The following GALNT7 variants were observed in gnomAD, a reference collection of about 807,000 sequenced individuals.
The protein encoded by GALNT7 is polypeptide N-acetylgalactosaminyltransferase 7.
In GALNT7, 60 loss-of-function variants were observed where a neutral mutation model predicts 82.1. That is an observed-to-expected ratio of 0.73 (90% CI 0.59 to 0.91). The LOEUF is 0.91. Among genes scored for constraint, GALNT7 ranks in the 40% least tolerant of loss-of-function variants. The probability of loss-of-function intolerance (pLI) is 0.00; values close to 1 mark genes in which losing one functional copy is unlikely to be tolerated. For missense variants in GALNT7, 660 were observed against 804.2 expected, an observed-to-expected ratio of 0.82 and a Z score of 2.17; for synonymous variants, 243 against 275.1, an observed-to-expected ratio of 0.88 and a Z score of 1.15.
At chr4:173,263,497 A>G (rs1462520519) in intron 2 of GALNT7, among the ~76,000 whole-genome samples, 1 of 152,192 alleles carries the variant, frequency 6.6e-6, no homozygotes, top group African/African-American at 2.4e-5. Flanking sequence ...GCACAAACAT[A>G]GATGGCCGGA....
intron 1 of GALNT7, among the ~76,000 whole-genome samples, chr4:173,193,369 G>A (rs1732683255): frequency 6.6e-6 from 1 of 152,028 alleles, no homozygotes; most frequent in Non-Finnish European, 1.5e-5. Context: ...TTACTATTAT[G>A]GAAAATTCAC....
At chr4:173,232,849 TTCTA>T (rs1734075053) in intron 1 of GALNT7, among the ~76,000 whole-genome samples, 2 of 152,208 alleles carry the variant, frequency 1.3e-5, no homozygotes, top group Admixed American at 6.5e-5. Flanking sequence ...AACTTATTCC[TTCTA>T]TCTAAGTGTA....
At chr4:173,285,710 C>A (rs1308669758) in intron 2 of GALNT7, among the ~76,000 whole-genome samples, 2 of 152,150 alleles carry the variant, frequency 1.3e-5, no homozygotes, top group African/African-American at 2.4e-5. Context: ...TATGACTACA[C>A]AGACAGACAG....
At position 173,289,394 on chromosome 4, in the gene GALNT7, G is replaced by A. The variant is rs187864458; in HGVS notation, c.588-2714G>A. On this transcript the variant is annotated intron_variant, in intron 2 of 11. Coordinates refer to ENST00000265000, the MANE Select transcript of GALNT7 (RefSeq NM_017423.3). ...AAATTGAGCATGGACACAAGGGTGG[G>A]GGTGGAGCAAAAGTTTAATAAGAGA... Among the ~76,000 whole-genome samples the A allele has an allele frequency of 5.3e-4, 80 of 152,328 alleles. 1 individual carries two copies. The highest frequency in any genetic ancestry group is 1.5e-3 in the African/African-American group (62 of 41,582).
rs1416939400 is a variant in GALNT7, at chr4:173,249,331, ACACT to A, written c.587+895_587+898del. 2.0e-5 allele frequency among the ~76,000 whole-genome samples: 3 copies of A among 152,216 alleles called. No individual in the cohort carries two copies. The East Asian group carries it at 5.8e-4, about 29-fold the overall frequency. ...CATACACGTATGCATGTACACACAC[ACACT>A]CACACCTATTCACCAGCATTCTTTA... On this transcript the variant is annotated intron_variant, in intron 2 of 11. Transcript: ENST00000265000.
intron 2 of GALNT7, among the ~76,000 whole-genome samples, chr4:173,265,866 T>G (rs1384995110): frequency 6.6e-6 from 1 of 152,064 alleles, no homozygotes; most frequent in Non-Finnish European, 1.5e-5. Flanking sequence ...GGGAGCCCAG[T>G]GCATAAGATT....
chr4:173,270,673 A>G (rs1346253627), intron 2 of GALNT7, among the ~76,000 whole-genome samples: 1 of 152,222 alleles, frequency 6.6e-6, no homozygotes, highest in Non-Finnish European at 1.5e-5. Flanking sequence ...TTTACTCAGT[A>G]ATATTTGGAA....
rs757081793 is a variant in GALNT7 at position 173,247,965 on chromosome 4, C to G, written c.127-15C>G. On this transcript the variant is annotated splice_polypyrimidine_tract_variant and intron_variant, in intron 1 of 11. Transcript: ENST00000265000. ...CCTTCATGTACTCATTGTATATCCC[C>G]TCCCTTTTGTATAGGAAGACAGAGA... 2 of 1,563,352 alleles carry G rather than the reference C, an allele frequency of 1.3e-6. No individual in the cohort carries two copies. Among genetic ancestry groups the G allele is most frequent in the Non-Finnish European group, 1.8e-6 (2 of 1,139,084 alleles).
chr4:173,295,629 C>A, intron 4 of GALNT7, 103 bp downstream of exon 4: 1 of 1,232,602 alleles, frequency 8.1e-7, no homozygotes, highest in South Asian at 1.3e-5. Context: ...AATGAGAATG[C>A]TGGCTTAAAC....
chr4:173,235,286 T>C (rs531215035), intron 1 of GALNT7, among the ~76,000 whole-genome samples: 1 of 152,296 alleles, frequency 6.6e-6, no homozygotes, highest in East Asian at 1.9e-4. Context: ...TCAGATGAAG[T>C]CCAGATGCAT....
In GALNT7 at chr4:173,209,971, A is replaced by G. The variant is rs551783397; in HGVS notation, c.127-38009A>G. 5.3e-5 allele frequency among the ~76,000 whole-genome samples: 8 copies of G among 152,142 alleles called. No homozygotes were observed. The East Asian group carries it at 1.4e-3, about 26-fold the overall frequency. On this transcript the variant is annotated intron_variant, in intron 1 of 11. Transcript: ENST00000265000. ...AACATGGTGAAACCCCGTCTCTACT[A>G]AAAATACAAAAATTAGCTGGGGGTA...
intron 2 of GALNT7, among the ~76,000 whole-genome samples, chr4:173,262,316 CT>C (rs1735304928): frequency 6.6e-6 from 1 of 152,170 alleles, no homozygotes; most frequent in South Asian, 2.1e-4. Flanking sequence ...TGTTTCTAGT[CT>C]GTCTTGCACT....
At chr4:173,295,692 A>G in intron 4 of GALNT7, 72 bp from the exon 5 acceptor site, 1 of 1,156,736 alleles carries the variant, frequency 8.6e-7, no homozygotes, top group South Asian at 1.3e-5. Flanking sequence ...TTAGCATCTA[A>G]TTTTAAATTG....
rs1735148798 is a variant in GALNT7 at position 173,258,947 on chromosome 4, A to G, written c.587+10507A>G. Among the ~76,000 whole-genome samples the G allele has an allele frequency of 2.0e-5, 3 of 152,186 alleles. No homozygotes were observed. The South Asian group carries it at 6.2e-4, about 32-fold the overall frequency. On this transcript the variant is annotated intron_variant, in intron 2 of 11. Coordinates refer to ENST00000265000, the MANE Select transcript of GALNT7 (RefSeq NM_017423.3). ...GGGTTTCACAATCTCGGCACTTGACATTTGGGCCAGATAATTCTTTGTTGA... is the reference window on the plus strand; with the variant it reads ...GGGTTTCACAATCTCGGCACTTGACGTTTGGGCCAGATAATTCTTTGTTGA...
chr4:173,321,006 AAGGC>A (rs2126879994), intron 11 of GALNT7, among the ~76,000 whole-genome samples: 1 of 152,304 alleles, frequency 6.6e-6, no homozygotes, highest in Non-Finnish European at 1.5e-5. Flanking sequence ...CTAAAGTGAA[AAGGC>A]AATGGTGTCT....
At chr4:173,280,272 G>A (rs1043783656) in intron 2 of GALNT7, among the ~76,000 whole-genome samples, 11 of 152,166 alleles carry the variant, frequency 7.2e-5, no homozygotes, top group African/African-American at 2.7e-4. Flanking sequence ...GCCTCAAAAT[G>A]TTACGTTTTT....
intron 1 of GALNT7, among the ~76,000 whole-genome samples, chr4:173,181,514 A>G (rs1449520660): frequency 6.6e-6 from 1 of 152,256 alleles, no homozygotes; most frequent in Admixed American, 6.5e-5. Context: ...GGTATTTTAA[A>G]GAAATACATT....
chr4:173,299,561 C>T (rs1736841808), intron 6 of GALNT7, among the ~76,000 whole-genome samples: 1 of 152,040 alleles, frequency 6.6e-6, no homozygotes. Context: ...AAAATAAACC[C>T]AGCTGCCGGG....
intron 6 of GALNT7, 30 bp downstream of exon 6, chr4:173,298,327 T>C (rs772334763): frequency 8.3e-6 from 12 of 1,441,488 alleles, no homozygotes; most frequent in Non-Finnish European, 1.0e-5. Context: ...CATATTTTTC[T>C]TTTCTCCAGT....
Sources: gnomAD v4.1 joint callset for allele counts (sites outside exome capture counted in the v4.1 genomes callset) on GRCh38, gnomAD v4.1.1 for gene constraint, MANE v1.5 for transcripts, NCBI Gene and HGNC (gene_info 2026-07-23, HGNC 2026-07-21) for gene names.